DYRK1A: variants seen among roughly 807,000 people sequenced by gnomAD.
DYRK1A encodes dual specificity tyrosine phosphorylation regulated kinase 1A, also known as dual specificity tyrosine-phosphorylation-regulated kinase 1A.
A neutral mutation model predicts 79.7 loss-of-function variants in DYRK1A; 9 were observed. The ratio of observed to expected loss-of-function variants is 0.11; its 90% CI spans 0.07 to 0.20. The LOEUF (loss-of-function observed/expected upper bound fraction) is 0.20, where lower values mean the gene tolerates loss of function less well. DYRK1A is among the 10% of genes least tolerant of loss of function. The pLI is 1.00. For missense variants in DYRK1A, 622 were observed against 956.0 expected (o/e 0.65, Z 4.61); for synonymous variants, 349 against 329.7 (o/e 1.06, Z -0.63).
Position 37,515,595 on chromosome 21 carries a change from T to TG in DYRK1A, c.*3065dup, listed in dbSNP as rs1457031301. ...GGCCATATCAGAATTCTAGAATTCT[T>TG]GCCACTGTGATTCAATTGCTAACCT... On this transcript the variant is annotated 3_prime_UTR_variant, in exon 12 of 12. Transcript: ENST00000647188. The TG allele has an allele frequency of 6.6e-6, 1 of 152,228 alleles. No individual in the cohort carries two copies. Among genetic ancestry groups the TG allele is most frequent in the Non-Finnish European group, 1.5e-5 (1 of 68,038 alleles). The allele number at this position is 152,228 out of a possible 1,614,324, so 9.4% of individuals were successfully genotyped here. A position where few individuals can be genotyped will look rare whatever the true frequency, so the allele number is the denominator to read the frequency against.
chr21:37,480,946 G>A, intron 5 of DYRK1A, 120 bp downstream of exon 5: 1 of 719,484 alleles, frequency 1.4e-6, no homozygotes, highest in East Asian at 2.9e-5. Context: ...CTCAGCAATG[G>A]ATATGCAAGT....
At chr21:37,487,530 C>T (rs201637858) in intron 6 of DYRK1A, 1 of 152,064 alleles carries the variant, frequency 6.6e-6, no homozygotes, top group South Asian at 2.1e-4. Flanking sequence ...TGCCATCAAT[C>T]GAAGATACAG....
At chr21:37,411,654 A>G (rs1039657100) in intron 1 of DYRK1A, among the ~76,000 whole-genome samples, 2 of 152,190 alleles carry the variant, frequency 1.3e-5, no homozygotes, top group African/African-American at 4.8e-5. Context: ...AGTCATTTTT[A>G]TAGAATGTCT....
chr21:37,417,534 T>TCTTTTTCTTTTTCTTTTTCTTTTC lies in DYRK1A; in HGVS notation c.-76-2765_-76-2764insCTTTTTCTTTTTCTTTTTCTTTTC, dbSNP rs1555959240. On this transcript the variant is annotated intron_variant, in intron 1 of 11. Coordinates refer to ENST00000647188, the MANE Select transcript of DYRK1A (RefSeq NM_001347721.2). ...TTCTTTTTCTTTTTCTTTTTCTTTT[T>TCTTTTTCTTTTTCTTTTTCTTTTC]TTTTTTTTTTTTTTTTTTTTACAAA... 5.7e-4 allele frequency among the ~76,000 whole-genome samples: 48 copies of TCTTTTTCTTTTTCTTTTTCTTTTC among 84,220 alleles called. 1 individual carries two copies. The highest frequency in any genetic ancestry group is 2.1e-3 in the African/African-American group (47 of 22,832). The allele number at this position is 84,220 out of a possible 152,430, so 55.3% of individuals were successfully genotyped here.
At chr21:37,433,304 T>C (rs764137477) in intron 2 of DYRK1A, among the ~76,000 whole-genome samples, 29 of 152,100 alleles carry the variant, frequency 1.9e-4, no homozygotes, top group Admixed American at 3.3e-4. Flanking sequence ...GTGCCAAGTT[T>C]TTAATATTTG....
chr21:37,408,314 C>T (rs769414076), intron 1 of DYRK1A, among the ~76,000 whole-genome samples: 123 of 152,124 alleles, frequency 8.1e-4, no homozygotes, highest in Non-Finnish European at 1.3e-3. Flanking sequence ...TTTAATTTTT[C>T]GAAAAACTCA....
At chr21:37,469,035 A>G (rs916396997) in intron 2 of DYRK1A, among the ~76,000 whole-genome samples, 3 of 152,216 alleles carry the variant, frequency 2.0e-5, no homozygotes, top group Admixed American at 2.0e-4. Context: ...TCACGATGTG[A>G]TGTATAAGTG....
chr21:37,503,941 T>TA (rs1454378242), intron 9 of DYRK1A: 1 of 152,204 alleles, frequency 6.6e-6, no homozygotes, highest in African/African-American at 2.4e-5. Context: ...ACGTCATTTT[T>TA]AAAAAATGTT....
At chr21:37,370,576 C>T (rs552215330) in intron 1 of DYRK1A, among the ~76,000 whole-genome samples, 2 of 152,234 alleles carry the variant, frequency 1.3e-5, no homozygotes, top group East Asian at 3.9e-4. Context: ...TTTCACGTTT[C>T]CTGTACACAC....
chr21:37,449,418 T>C (rs2051374110), intron 2 of DYRK1A, among the ~76,000 whole-genome samples: 2 of 152,332 alleles, frequency 1.3e-5, no homozygotes, highest in African/African-American at 2.4e-5. Flanking sequence ...AATTTAATAG[T>C]GTCCAAAGGT....
chr21:37,398,323 C>T (rs1386477598), intron 1 of DYRK1A, among the ~76,000 whole-genome samples: 2 of 148,244 alleles, frequency 1.3e-5, no homozygotes. Context: ...GCCTGGGTGA[C>T]AGAGTGAGAT....
At chr21:37,372,987 C>T (rs937593376) in intron 1 of DYRK1A, among the ~76,000 whole-genome samples, 3 of 151,988 alleles carry the variant, frequency 2.0e-5, no homozygotes, top group African/African-American at 4.8e-5. Context: ...AATTTAATTT[C>T]TCCATTAAAT....
intron 2 of DYRK1A, among the ~76,000 whole-genome samples, chr21:37,467,216 A>T (rs2052060547): frequency 6.6e-6 from 1 of 152,140 alleles, no homozygotes; most frequent in African/African-American, 2.4e-5. Flanking sequence ...TCATGACCAA[A>T]TCGCATTCCA....
chr21:37,430,753 C>T (rs774717394), intron 2 of DYRK1A, among the ~76,000 whole-genome samples: 14 of 152,170 alleles, frequency 9.2e-5, no homozygotes, highest in Non-Finnish European at 1.8e-4. Flanking sequence ...GTGCAGGTGG[C>T]TTGGTATCCT....
At chr21:37,487,584 C>T (rs1337570860) in intron 6 of DYRK1A, 1 of 152,100 alleles carries the variant, frequency 6.6e-6, no homozygotes, top group African/African-American at 2.4e-5. Context: ...TGTTCAGAAA[C>T]ACTGACCTTA....
rs1042775375 is a variant in DYRK1A at position 37,519,484 on chromosome 21, C to G, written c.*6953C>G. 2 of 152,148 alleles carry G rather than the reference C, an allele frequency of 1.3e-5. No homozygotes were observed. Among genetic ancestry groups the G allele is most frequent in the Non-Finnish European group, 2.9e-5 (2 of 68,054 alleles). The allele number at this position is 152,148 out of a possible 1,614,324, so 9.4% of individuals were successfully genotyped here. A position where few individuals can be genotyped will look rare whatever the true frequency, so the allele number is the denominator to read the frequency against. On this transcript the variant is annotated 3_prime_UTR_variant, in exon 12 of 12. Coordinates refer to ENST00000647188, the MANE Select transcript of DYRK1A (RefSeq NM_001347721.2). The stretch of plus-strand genomic sequence containing the variant: ...CAATGCCTAGTATGTAGAAAGTGTC[C>G]GATAAATATAATATGCGGCTAAACA...
Position 37,469,666 on chromosome 21 carries a change from G to C in DYRK1A, c.11-3018G>C, listed in dbSNP as rs79188240. Among the ~76,000 whole-genome samples the C allele has an allele frequency of 3.2e-3, 488 of 152,230 alleles. 2 individuals carry two copies. Among genetic ancestry groups the C allele is most frequent in the African/African-American group, 0.011 (471 of 41,544 alleles). On this transcript the variant is annotated intron_variant, in intron 2 of 11. Coordinates refer to ENST00000647188, the MANE Select transcript of DYRK1A (RefSeq NM_001347721.2). ...CATGGCCTGCAAAGTCAGGCAAAAG[G>C]GGGAGGTGCCACACAGTTTTAAACA...
chr21:37,395,415 G>C (rs1047437033), intron 1 of DYRK1A, among the ~76,000 whole-genome samples: 1 of 152,054 alleles, frequency 6.6e-6, no homozygotes, highest in Non-Finnish European at 1.5e-5. Context: ...CTGTGCTCCC[G>C]CTCCTCACCT....
At chr21:37,373,870 C>T (rs961674124) in intron 1 of DYRK1A, among the ~76,000 whole-genome samples, 1 of 152,158 alleles carries the variant, frequency 6.6e-6, no homozygotes, top group Non-Finnish European at 1.5e-5. Flanking sequence ...GCCTGTTACA[C>T]TTCAAAATGT....
Sources: gnomAD v4.1 joint callset for allele counts (sites outside exome capture counted in the v4.1 genomes callset) on GRCh38, gnomAD v4.1.1 for gene constraint, MANE v1.5 for transcripts, NCBI Gene and HGNC (gene_info 2026-07-23, HGNC 2026-07-21) for gene names.